PRKDC: variants seen among roughly 807,000 people sequenced by gnomAD.
PRKDC encodes protein kinase, DNA-activated, catalytic subunit.
PRKDC carries 82 observed loss-of-function variants against 486.9 expected under a neutral mutation model. The ratio of observed to expected loss-of-function variants is 0.17; its 90% CI spans 0.14 to 0.20. The LOEUF (loss-of-function observed/expected upper bound fraction) is 0.20, where lower values mean the gene tolerates loss of function less well. PRKDC is among the 10% of genes least tolerant of loss of function. PRKDC has a pLI of 1.00. For missense variants in PRKDC, 4,504 were observed against 5,038.2 expected, an observed-to-expected ratio of 0.89 and a Z score of 3.21; for synonymous variants, 1,895 against 1,837.0, an observed-to-expected ratio of 1.03 and a Z score of -0.81.
Position 47,858,567 on chromosome 8 carries a change from T to A in PRKDC, c.6414A>T (p.Val2138=), listed in dbSNP as rs946805909. Residue 2138 remains valine (V), a synonymous_variant, in exon 48 of 86, where the codon GTA becomes GTT. Coordinates refer to ENST00000314191, the MANE Select transcript of PRKDC (RefSeq NM_006904.7). ...FLHGKLGNPI[V]PLNIRLFLAK... is the part of the protein sequence containing the mutation. Reference sequence around the variant, plus strand: ...CTAAGAAGAGACGGATATTTAATGGTACTATTGGATTTCCCAGTTTGCCAT... The same window carrying A: ...CTAAGAAGAGACGGATATTTAATGGAACTATTGGATTTCCCAGTTTGCCAT... 114 of 1,555,502 alleles carry A rather than the reference T, an allele frequency of 7.3e-5. No homozygotes were observed. The highest frequency in any genetic ancestry group is 9.4e-5 in the Non-Finnish European group (108 of 1,145,794).
At chr8:47,820,587 T>C (rs928812235) in intron 66 of PRKDC, 132 bp downstream of exon 66, 1 of 500,750 alleles carries the variant, frequency 2.0e-6, no homozygotes, top group Non-Finnish European at 3.0e-6. Context: ...TTGAAAATTT[T>C]TGTTGATTTT....
chr8:47,889,344 G>C (rs1233365652), intron 32 of PRKDC, 122 bp from the exon 33 acceptor site: 1 of 769,874 alleles, frequency 1.3e-6, no homozygotes, highest in Non-Finnish European at 2.0e-6. Context: ...GAGTTTCTCT[G>C]TAAAACGGGG....
chr8:47,955,772 T>A lies in PRKDC; in HGVS notation c.399+102A>T. The A allele has an allele frequency of 4.5e-6, 4 of 884,068 alleles. 1 individual carries two copies. Among genetic ancestry groups the A allele is most frequent in the Admixed American group, 2.7e-5 (1 of 37,494 alleles). 54.8% of individuals were successfully genotyped at this position (884,068 alleles called of 1,614,324 possible). ...CACACATCAATGTGATTAGATCCTA[T>A]CCTTCCCCAAACACATCACCCAAAA... is the stretch of plus-strand genomic sequence containing the variant. On this transcript the variant is annotated intron_variant, in intron 4 of 85. Transcript: ENST00000314191.
intron 59 of PRKDC, among the ~76,000 whole-genome samples, chr8:47,833,488 T>C (rs2087936459): frequency 6.6e-6 from 1 of 152,046 alleles, no homozygotes; most frequent in Admixed American, 6.6e-5. Context: ...CTAGTTCTGG[T>C]CATCTGTTAG....
chr8:47,915,917 T>C (rs2089975269), intron 22 of PRKDC, among the ~76,000 whole-genome samples: 1 of 152,236 alleles, frequency 6.6e-6, no homozygotes, highest in Non-Finnish European at 1.5e-5. Flanking sequence ...TCTTAAAGGT[T>C]AGTTACAATG....
intron 22 of PRKDC, 22 bp downstream of exon 22, chr8:47,918,255 G>A (rs775820773): frequency 2.0e-6 from 3 of 1,483,264 alleles, no homozygotes; most frequent in South Asian, 2.6e-5. Flanking sequence ...GTAAGGTACA[G>A]AAAATACAAA....
intron 26 of PRKDC, among the ~76,000 whole-genome samples, chr8:47,904,200 G>T (rs893422369): frequency 6.6e-6 from 1 of 152,082 alleles, no homozygotes; most frequent in African/African-American, 2.4e-5. Context: ...TGTTTCCAGG[G>T]CCCTTTAGTT....
At chr8:47,793,505 T>C (rs931965091) in intron 74 of PRKDC, among the ~76,000 whole-genome samples, 36 of 151,832 alleles carry the variant, frequency 2.4e-4, no homozygotes, top group African/African-American at 8.7e-4. Context: ...CTGGGCATGG[T>C]GGCACACGCT....
rs777763415 is a variant in PRKDC, at chr8:47,799,262, C to T, written c.10245G>A (p.Thr3415=). The change falls in exon 72 of 86, where the codon ACG becomes ACA. Residue 3415 remains threonine (T), a synonymous_variant. Transcript: ENST00000314191. ...PAAGVIDAYM[T]LADFCDQQLR... ...GCTGTTGGTCACAGAAATCTGCCAG[C>T]GTCATGTAAGCATCAATCACCCCAG... 6 of 1,613,742 alleles carry T rather than the reference C, an allele frequency of 3.7e-6. No homozygotes were observed. Among genetic ancestry groups the T allele is most frequent in the South Asian group, 3.3e-5 (3 of 91,088 alleles).
At chr8:47,805,493 T>A (rs540249499) in intron 69 of PRKDC, among the ~76,000 whole-genome samples, 11 of 152,356 alleles carry the variant, frequency 7.2e-5, no homozygotes, top group Non-Finnish European at 1.5e-4. Flanking sequence ...TGACTCTTTG[T>A]TGTTCAGTTG....
chr8:47,872,501 TAAAAAAA>T lies in PRKDC; in HGVS notation c.5363+5216_5363+5222del, dbSNP rs748681244. 1.5e-4 allele frequency among the ~76,000 whole-genome samples: 11 copies of T among 74,120 alleles called. No homozygotes were observed. In the South Asian group the frequency reaches 4.1e-3, roughly 28 times the overall value. The allele number at this position is 74,120 out of a possible 152,430, so 48.6% of individuals were successfully genotyped here. A position where few individuals can be genotyped will look rare whatever the true frequency, so the allele number is the denominator to read the frequency against. On this transcript the variant is annotated intron_variant, in intron 40 of 85. Coordinates refer to ENST00000314191, the MANE Select transcript of PRKDC (RefSeq NM_006904.7). ...AAGTGGCTAAACTGATATAAAAAAG[TAAAAAAA>T]AAAAAAAAAAAAATGATCTGTTGCC... is the stretch of plus-strand genomic sequence containing the variant.
At chr8:47,849,103 T>G in intron 54 of PRKDC, 51 bp downstream of exon 54, 1 of 1,586,352 alleles carries the variant, frequency 6.3e-7, no homozygotes, top group Non-Finnish European at 8.6e-7. Context: ...CTTAATAAAT[T>G]AACGCTTTAT....
At position 47,902,670 on chromosome 8, in the gene PRKDC, G is replaced by C; in HGVS notation, c.3168C>G (p.Thr1056=). ...PQQQEKSPVN[T]KSLFKRLYSL... is the part of the protein sequence containing the mutation. Reference sequence around the variant, plus strand: ...TATAAAGTCGCTTGAAAAGCGATTTGGTGTTTACTGGACTCTTCTCCTGCT... The same window carrying C: ...TATAAAGTCGCTTGAAAAGCGATTTCGTGTTTACTGGACTCTTCTCCTGCT... The change falls in exon 27 of 86, where the codon ACC becomes ACG. Residue 1056 remains threonine (T), a synonymous_variant. Coordinates refer to ENST00000314191, the MANE Select transcript of PRKDC (RefSeq NM_006904.7). 6.2e-7 allele frequency: 1 copy of C among 1,613,800 alleles called. No individual in the cohort carries two copies. Among genetic ancestry groups the C allele is most frequent in the Non-Finnish European group, 8.5e-7 (1 of 1,179,778 alleles).
rs563395589 is a variant in PRKDC at position 47,887,602 on chromosome 8, C to G, written c.4517G>C (p.Ser1506Thr). ...AAGTCCGCTGGCCAGCTGCTTACAA[C>G]TGAGGTCTAGAGAAGGCAGACACTG... is the stretch of plus-strand genomic sequence containing the variant. ...ERQCLPSLDL[S>T]CKQLASGLLE... The change falls in exon 35 of 86, where the codon AGT becomes ACT. Residue 1506 changes from serine to threonine, a missense_variant. Ser to Thr is a moderately conservative substitution (Grantham distance 58). Transcript: ENST00000314191. The G allele has an allele frequency of 1.2e-5, 19 of 1,600,972 alleles. No homozygotes were observed. The South Asian group carries it at 2.2e-4, about 18-fold the overall frequency.
intron 69 of PRKDC, among the ~76,000 whole-genome samples, chr8:47,804,851 T>A (rs2087186603): frequency 6.6e-6 from 1 of 152,084 alleles, no homozygotes; most frequent in South Asian, 2.1e-4. Flanking sequence ...AACCTCCACC[T>A]CCCAGGTTCA....
intron 44 of PRKDC, 35 bp downstream of exon 44, chr8:47,862,027 G>C (rs922543867): frequency 1.3e-6 from 2 of 1,494,366 alleles, no homozygotes; most frequent in Non-Finnish European, 1.8e-6. Flanking sequence ...GTGAGCACTT[G>C]ATAAGTTTTT....
intron 67 of PRKDC, 106 bp from the exon 68 acceptor site, chr8:47,817,667 CA>C: frequency 4.7e-6 from 3 of 644,818 alleles, no homozygotes; most frequent in Non-Finnish European, 7.8e-6. Flanking sequence ...GCCCAAATTA[CA>C]AAAAAGTCCT....
rs538222737 is a variant in PRKDC, at chr8:47,908,882, G to C, written c.2934+3528C>G. 4.6e-5 allele frequency among the ~76,000 whole-genome samples: 7 copies of C among 152,208 alleles called. No homozygotes were observed. In the East Asian group the frequency reaches 1.3e-3, roughly 29 times the overall value. ...TCCTTCTAAATCTTATTGATTTACA[G>C]TTAGTTTCTTCACTTGTGACAAAGC... On this transcript the variant is annotated intron_variant, in intron 25 of 85. Coordinates refer to ENST00000314191, the MANE Select transcript of PRKDC (RefSeq NM_006904.7).
intron 68 of PRKDC, among the ~76,000 whole-genome samples, chr8:47,811,377 C>T (rs1350031819): frequency 1.3e-5 from 2 of 152,184 alleles, no homozygotes; most frequent in Non-Finnish European, 2.9e-5. Context: ...AACAAGAGTT[C>T]ATCACAAGTA....
Sources: gnomAD v4.1 joint callset for allele counts (sites outside exome capture counted in the v4.1 genomes callset) on GRCh38, gnomAD v4.1.1 for gene constraint, MANE v1.5 for transcripts, NCBI Gene and HGNC (gene_info 2026-07-23, HGNC 2026-07-21) for gene names.